MMP26: variants seen among roughly 807,000 people sequenced by gnomAD.
MMP26 encodes matrix metalloproteinase-26.
Under a neutral mutation model 31.0 loss-of-function variants are expected in MMP26, and 33 were observed. That is an observed-to-expected ratio of 1.06 (90% CI 0.81 to 1.42). The LOEUF (loss-of-function observed/expected upper bound fraction) is 1.42. Among genes scored for constraint, MMP26 ranks in the 40% most tolerant of loss-of-function variants. MMP26 has a pLI of 0.00. For synonymous variants in MMP26, 122 were observed against 114.9 expected, an observed-to-expected ratio of 1.06 and a Z score of -0.40; for missense variants, 347 against 316.1, an observed-to-expected ratio of 1.10 and a Z score of -0.74.
chr11:4,910,750 G>C (rs1850978387), intron 2 of MMP26, among the ~76,000 whole-genome samples: 2 of 151,930 alleles, frequency 1.3e-5, no homozygotes, highest in African/African-American at 4.8e-5. Context: ...TGTGCCTCTA[G>C]TACTTGGCAC....
At chr11:4,933,533 T>G (rs1277608) in intron 2 of MMP26, among the ~76,000 whole-genome samples, 78,675 of 149,774 alleles carry the variant, frequency 0.53, 21,182 homozygotes, top group East Asian at 0.76. Context: ...TTTTGTTTTT[T>G]TTTTTGTTTG....
intron 2 of MMP26, among the ~76,000 whole-genome samples, chr11:4,893,385 A>G (rs542018634): frequency 1.3e-3 from 196 of 152,274 alleles, no homozygotes; most frequent in African/African-American, 4.6e-3. Flanking sequence ...CCTCTTTAGT[A>G]TACTACAACC....
intron 5 of MMP26, among the ~76,000 whole-genome samples, chr11:4,991,006 T>C (rs546007385): frequency 1.3e-5 from 2 of 152,328 alleles, no homozygotes; most frequent in East Asian, 3.9e-4. Flanking sequence ...GATGCATAGC[T>C]CCGAAATCTA....
intron 2 of MMP26, among the ~76,000 whole-genome samples, chr11:4,936,915 C>T (rs901189910): frequency 6.6e-6 from 1 of 152,096 alleles, no homozygotes; most frequent in African/African-American, 2.4e-5. Context: ...ATTTTTAAGT[C>T]TGTGCAAGGT....
intron 2 of MMP26, among the ~76,000 whole-genome samples, chr11:4,771,827 T>C (rs548917759): frequency 6.6e-6 from 1 of 152,300 alleles, no homozygotes; most frequent in South Asian, 2.1e-4. Context: ...TTATTAGAGG[T>C]TGTATATCTA....
At chr11:4,843,807 T>C (rs1397940017) in intron 2 of MMP26, among the ~76,000 whole-genome samples, 6 of 152,220 alleles carry the variant, frequency 3.9e-5, no homozygotes, top group Non-Finnish European at 7.3e-5. Context: ...GCTGCAAATT[T>C]CCCAAACTCA....
chr11:4,776,942 AG>A (rs1471113570), intron 2 of MMP26, among the ~76,000 whole-genome samples: 1 of 152,138 alleles, frequency 6.6e-6, no homozygotes, highest in African/African-American at 2.4e-5. Flanking sequence ...AGTGATGTTG[AG>A]GAGTTAAACT....
intron 1 of MMP26, among the ~76,000 whole-genome samples, chr11:4,761,829 A>C (rs959373485): frequency 1.3e-5 from 2 of 152,206 alleles, no homozygotes; most frequent in African/African-American, 4.8e-5. Flanking sequence ...TCCATAGTAC[A>C]TATATTTTAA....
chr11:4,916,569 A>T (rs548429805), intron 2 of MMP26, among the ~76,000 whole-genome samples: 15 of 152,066 alleles, frequency 9.9e-5, no homozygotes, highest in South Asian at 8.3e-4. Flanking sequence ...CTCCAGGCAC[A>T]TACAAGCCCT....
intron 2 of MMP26, among the ~76,000 whole-genome samples, chr11:4,887,246 T>G (rs1382553377): frequency 6.6e-6 from 1 of 152,114 alleles, no homozygotes; most frequent in Non-Finnish European, 1.5e-5. Flanking sequence ...ATTTATTTTA[T>G]TGTATGTTCT....
In MMP26 at chr11:4,707,293, A is replaced by G. The variant is rs575769298; in HGVS notation, c.-217+2248A>G. Reference sequence around the variant, plus strand: ...ATTTATGTGATTAGTAATGTTGAGCATCTTTTTATATTTGTTGGCCATTTG... The same window carrying G: ...ATTTATGTGATTAGTAATGTTGAGCGTCTTTTTATATTTGTTGGCCATTTG... On this transcript the variant is annotated intron_variant, in intron 1 of 7. Transcript: ENST00000380390. 2.0e-5 allele frequency among the ~76,000 whole-genome samples: 3 copies of G among 152,312 alleles called. No individual in the cohort carries two copies. In the South Asian group the frequency reaches 6.2e-4, roughly 32 times the overall value.
At chr11:4,734,723 C>T (rs570462880) in intron 1 of MMP26, among the ~76,000 whole-genome samples, 20 of 108,382 alleles carry the variant, frequency 1.8e-4, no homozygotes, top group African/African-American at 7.7e-4. Flanking sequence ...TAACTTAATT[C>T]CCCTGTGTCC....
At chr11:4,767,389 T>C (rs1848645682) in intron 2 of MMP26, 48 bp downstream of exon 2, 1 of 152,168 alleles carries the variant, frequency 6.6e-6, no homozygotes, top group Admixed American at 6.5e-5. Flanking sequence ...ATAAGTCCAT[T>C]ATTTCATGAC....
intron 1 of MMP26, among the ~76,000 whole-genome samples, chr11:4,734,053 G>T (rs1194441689): frequency 6.6e-6 from 1 of 151,858 alleles, no homozygotes; most frequent in Non-Finnish European, 1.5e-5. Context: ...TTTATATGTT[G>T]CTGGATTTAG....
intron 1 of MMP26, among the ~76,000 whole-genome samples, chr11:4,748,403 C>T (rs1848406742): frequency 6.6e-6 from 1 of 151,740 alleles, no homozygotes. Flanking sequence ...AAAACTGTTC[C>T]AAAAAATCAA....
chr11:4,851,004 A>G (rs1231121912), intron 2 of MMP26, among the ~76,000 whole-genome samples: 2 of 152,174 alleles, frequency 1.3e-5, no homozygotes, highest in Non-Finnish European at 2.9e-5. Flanking sequence ...AATAAATAGA[A>G]ACAGACATTC....
intron 2 of MMP26, among the ~76,000 whole-genome samples, chr11:4,823,519 G>A (rs1266478821): frequency 6.6e-6 from 1 of 152,056 alleles, no homozygotes; most frequent in Admixed American, 6.6e-5. Context: ...TTTTTGGTTA[G>A]CATCAACTTG....
At chr11:4,984,002 G>T (rs1328513984) in intron 2 of MMP26, among the ~76,000 whole-genome samples, 2 of 152,098 alleles carry the variant, frequency 1.3e-5, no homozygotes, top group Non-Finnish European at 2.9e-5. Flanking sequence ...TCACTCATTT[G>T]CTTTCTTAGT....
intron 1 of MMP26, among the ~76,000 whole-genome samples, chr11:4,750,280 G>A (rs902621779): frequency 6.6e-6 from 1 of 152,008 alleles, no homozygotes; most frequent in South Asian, 2.1e-4. Context: ...ACAGATGTTT[G>A]TGAGGATGTG....
Sources: gnomAD v4.1 joint callset for allele counts (sites outside exome capture counted in the v4.1 genomes callset) on GRCh38, gnomAD v4.1.1 for gene constraint, MANE v1.5 for transcripts, NCBI Gene and HGNC (gene_info 2026-07-23, HGNC 2026-07-21) for gene names.